Variants in CSMD1 observed in about 807,000 individuals in gnomAD.
The protein encoded by CSMD1 is CUB and Sushi multiple domains 1.
A neutral mutation model predicts 417.5 loss-of-function variants in CSMD1; 213 were observed. That is an observed-to-expected ratio of 0.51 (90% CI 0.46 to 0.57). The LOEUF (loss-of-function observed/expected upper bound fraction) is 0.57, where lower values mean the gene tolerates loss of function less well. Among genes scored for constraint, CSMD1 ranks in the 20% least tolerant of loss-of-function variants. The pLI, the probability that CSMD1 is intolerant of heterozygous loss-of-function variation, is 0.00. For synonymous variants in CSMD1, 2,862 were observed against 1,736.8 expected, an observed-to-expected ratio of 1.65 and a Z score of -16.11; for missense variants, 6,923 against 4,529.7, an observed-to-expected ratio of 1.53 and a Z score of -15.17.
At chr8:3,277,871 C>G (rs1195530670) in intron 26 of CSMD1, among the ~76,000 whole-genome samples, 1 of 152,176 alleles carries the variant, frequency 6.6e-6, no homozygotes, top group Non-Finnish European at 1.5e-5. Flanking sequence ...GAATTGCCAA[C>G]ATTCCATCAT....
At chr8:3,262,595 G>A (rs1392129251) in intron 26 of CSMD1, among the ~76,000 whole-genome samples, 7 of 151,772 alleles carry the variant, frequency 4.6e-5, no homozygotes, top group African/African-American at 1.7e-4. Flanking sequence ...TAAAACCTCT[G>A]AAAATGTGAA....
intron 20 of CSMD1, among the ~76,000 whole-genome samples, chr8:3,363,584 G>C (rs968847075): frequency 6.6e-6 from 1 of 152,014 alleles, no homozygotes; most frequent in Non-Finnish European, 1.5e-5. Flanking sequence ...CTGGAGTGCA[G>C]TGGCGCGATC....
chr8:3,244,703 T>C (rs570202972), intron 26 of CSMD1, among the ~76,000 whole-genome samples: 1 of 152,134 alleles, frequency 6.6e-6, no homozygotes, highest in South Asian at 2.1e-4. Flanking sequence ...CCCTGGACGG[T>C]GAATGGAAAA....
intron 2 of CSMD1, among the ~76,000 whole-genome samples, chr8:4,524,772 G>T (rs1217273012): frequency 6.6e-6 from 1 of 151,982 alleles, no homozygotes; most frequent in Non-Finnish European, 1.5e-5. Context: ...TATCGACAAA[G>T]TATTTAGAAA....
At chr8:4,352,509 A>G (rs576961323) in intron 3 of CSMD1, among the ~76,000 whole-genome samples, 3 of 152,332 alleles carry the variant, frequency 2.0e-5, no homozygotes, top group African/African-American at 7.2e-5. Flanking sequence ...GTTTGAAGAA[A>G]CATGAAATTT....
intron 1 of CSMD1, among the ~76,000 whole-genome samples, chr8:4,682,695 A>C (rs1806124742): frequency 6.6e-6 from 1 of 151,866 alleles, no homozygotes; most frequent in African/African-American, 2.4e-5. Context: ...TTACCTTGGA[A>C]AAATGATACT....
chr8:4,125,032 C>A (rs1488804477), intron 3 of CSMD1, among the ~76,000 whole-genome samples: 1 of 152,018 alleles, frequency 6.6e-6, no homozygotes, highest in African/African-American at 2.4e-5. Context: ...TCTTGGGGTC[C>A]GCACGTTTCT....
At chr8:4,554,483 G>T (rs1024288962) in intron 2 of CSMD1, among the ~76,000 whole-genome samples, 1 of 152,148 alleles carries the variant, frequency 6.6e-6, no homozygotes, top group Non-Finnish European at 1.5e-5. Flanking sequence ...AATAATTTGA[G>T]AATCTGGAAC....
chr8:3,638,104 G>A (rs909356503), intron 7 of CSMD1, among the ~76,000 whole-genome samples: 22 of 152,236 alleles, frequency 1.4e-4, no homozygotes, highest in African/African-American at 5.3e-4. Flanking sequence ...AAGGAGCTCA[G>A]ATTTAAACCC....
chr8:4,252,711 T>C (rs1803161986), intron 3 of CSMD1, among the ~76,000 whole-genome samples: 1 of 152,246 alleles, frequency 6.6e-6, no homozygotes, highest in Non-Finnish European at 1.5e-5. Context: ...TCTCATTGGT[T>C]GTATTGGTTG....
chr8:3,794,509 A>G (rs1240434236), intron 5 of CSMD1, among the ~76,000 whole-genome samples: 3 of 152,152 alleles, frequency 2.0e-5, no homozygotes, highest in Non-Finnish European at 4.4e-5. Context: ...ATTACATTGT[A>G]TTGTGTGTTA....
intron 3 of CSMD1, among the ~76,000 whole-genome samples, chr8:4,231,120 C>G (rs1447919263): frequency 1.2e-4 from 19 of 152,310 alleles, no homozygotes; most frequent in Middle Eastern, 3.4e-3. Flanking sequence ...ATATGTTGAA[C>G]TACAGAAGAG....
At chr8:3,999,776 G>C (rs573534903) in intron 4 of CSMD1, among the ~76,000 whole-genome samples, 3 of 152,130 alleles carry the variant, frequency 2.0e-5, no homozygotes, top group Non-Finnish European at 4.4e-5. Flanking sequence ...CTACCTTCAA[G>C]TATGAACGAA....
intron 1 of CSMD1, among the ~76,000 whole-genome samples, chr8:4,778,482 C>T (rs1796985960): frequency 6.6e-6 from 1 of 152,134 alleles, no homozygotes; most frequent in Non-Finnish European, 1.5e-5. Context: ...TGAGATAATG[C>T]ACAAAAAGCA....
intron 3 of CSMD1, among the ~76,000 whole-genome samples, chr8:4,099,206 GCACACACACA>G (rs142311935): frequency 6.7e-6 from 1 of 148,494 alleles, no homozygotes; most frequent in Non-Finnish European, 1.5e-5. Context: ...ACACACACAC[GCACACACACA>G]CACACACCAT....
chr8:4,873,893 G>C (rs762030705), intron 1 of CSMD1, among the ~76,000 whole-genome samples: 1 of 151,866 alleles, frequency 6.6e-6, no homozygotes, highest in Non-Finnish European at 1.5e-5. Flanking sequence ...TTTTAGACAA[G>C]GCAATTAGAA....
chr8:3,442,862 G>A (rs1815080616), intron 12 of CSMD1, among the ~76,000 whole-genome samples: 1 of 151,358 alleles, frequency 6.6e-6, no homozygotes, highest in South Asian at 2.1e-4. Context: ...ACCTGGTTTT[G>A]GCCTCAGAAT....
intron 9 of CSMD1, among the ~76,000 whole-genome samples, chr8:3,578,517 T>A (rs1800247016): frequency 6.6e-6 from 1 of 152,218 alleles, no homozygotes; most frequent in South Asian, 2.1e-4. Flanking sequence ...ATATCCGTGT[T>A]GCTTTGTCGC....
chr8:4,744,663 C>G (rs1191924248), intron 1 of CSMD1, among the ~76,000 whole-genome samples: 6 of 152,166 alleles, frequency 3.9e-5, no homozygotes, highest in Admixed American at 3.9e-4. Flanking sequence ...TGAAAATGAC[C>G]AGTCTCTGGA....
Sources: allele counts gnomAD v4.1 joint callset (sites outside exome capture counted in the v4.1 genomes callset), GRCh38; gene constraint gnomAD v4.1.1; transcripts MANE v1.5; gene names NCBI Gene and HGNC (gene_info 2026-07-23, HGNC 2026-07-21).